The following BRCA2 variants were observed in gnomAD, a reference collection of about 807,000 sequenced individuals.
BRCA2 encodes the protein breast cancer type 2 susceptibility protein.
In BRCA2, 203 loss-of-function variants were observed where a neutral mutation model predicts 276.7. The observed-to-expected ratio is 0.73, with a 90% CI of 0.65 to 0.82. The LOEUF (loss-of-function observed/expected upper bound fraction) is 0.82, where lower values mean the gene tolerates loss of function less well. Among genes scored for constraint, BRCA2 ranks in the 40% least tolerant of loss-of-function variants. BRCA2 has a pLI of 0.00. For synonymous variants in BRCA2, 1,289 were observed against 1,338.4 expected (o/e 0.96, Z 0.81); for missense variants, 3,920 against 3,915.0 (o/e 1.00, Z -0.03).
rs1555282901 is a variant in BRCA2 at position 32,337,197 on chromosome 13, G to A, written c.2842G>A (p.Val948Ile). The change falls in exon 11 of 27, where the codon GTT (valine) becomes ATT (isoleucine). Residue 948 changes from valine to isoleucine, a missense_variant. Around this residue, in one of 2 missense-constraint regions of BRCA2, gnomAD observed 3,263 missense variants for 3,156.9 expected, o/e 1.03. Transcript: ENST00000380152. ...CCAAGTGTCAATTAAAAAAGATTTG[G>A]TTTATGTTCTTGCAGAGGAGAACAA... ...ATQVSIKKDL[V>I]YVLAEENKNS... 6.2e-7 allele frequency: 1 copy of A among 1,613,654 alleles called. No individual in the cohort carries two copies. The highest frequency in any genetic ancestry group is 8.5e-7 in the Non-Finnish European group (1 of 1,179,824).
chr13:32,382,721 A>C (rs1372732744), intron 24 of BRCA2, among the ~76,000 whole-genome samples: 2 of 152,206 alleles, frequency 1.3e-5, no homozygotes, highest in Non-Finnish European at 2.9e-5. Context: ...GATCAAGAGA[A>C]CATTTGCTTT....
chr13:32,384,131 A>T (rs1488654938), intron 24 of BRCA2, among the ~76,000 whole-genome samples: 2 of 152,230 alleles, frequency 1.3e-5, no homozygotes, highest in African/African-American at 4.8e-5. Flanking sequence ...ACAGTCTGAT[A>T]ACACGAGGTT....
Position 32,339,258 on chromosome 13 carries a change from T to TC in BRCA2, c.4903_4904insC (p.Leu1635SerfsTer4). On this transcript the variant is annotated frameshift_variant, in exon 11 of 27. Coordinates refer to ENST00000380152, the MANE Select transcript of BRCA2 (RefSeq NM_000059.4). LOFTEE classifies it high-confidence loss of function. ...TCTCAAAACATCAAAAAGTATCTTT[T>TC]TGAAAGTTAAAGTACATGAAAATGT... 1 of 1,612,866 alleles carries TC rather than the reference T, an allele frequency of 6.2e-7. No individual in the cohort carries two copies. Among genetic ancestry groups the TC allele is most frequent in the Non-Finnish European group, 8.5e-7 (1 of 1,179,622 alleles).
chr13:32,337,418 A>G lies in BRCA2; in HGVS notation c.3063A>G (p.Glu1021=), dbSNP rs2137492749. 1 of 1,613,498 alleles carries G rather than the reference A, an allele frequency of 6.2e-7. No homozygotes were observed. The highest frequency in any genetic ancestry group is 1.3e-5 in the African/African-American group (1 of 75,028). The change falls in exon 11 of 27, where the codon GAA becomes GAG. Residue 1021 remains glutamate (E), a synonymous_variant. Transcript: ENST00000380152. ...CAAATAAGGAAATCAAGCTCTCTGAACATAACATTAAGAAGAGCAAAATGT... is the reference window on the plus strand; with the variant it reads ...CAAATAAGGAAATCAAGCTCTCTGAGCATAACATTAAGAAGAGCAAAATGT... ...TASNKEIKLS[E]HNIKKSKMFF...
At position 32,379,774 on chromosome 13, in the gene BRCA2, C is replaced by G. The variant is rs397508025; in HGVS notation, c.8978C>G (p.Ser2993Ter). The stretch of plus-strand genomic sequence containing the variant: ...GTTATACTGAGTATTTGGCGTCCAT[C>G]ATCAGATTTATATTCTCTGTTAACA... ...DSVILSIWRP[S>*]SDLYSLLTEG... The change falls in exon 23 of 27, where the codon TCA (serine) becomes TGA (stop). Residue 2993 changes from serine to a stop codon, truncating the protein, a stop_gained. Transcript: ENST00000380152. LOFTEE classifies it high-confidence loss of function. The G allele has an allele frequency of 6.2e-7, 1 of 1,612,486 alleles. No individual in the cohort carries two copies. The highest frequency in any genetic ancestry group is 1.3e-5 in the African/African-American group (1 of 74,996).
rs566287780 is a variant in BRCA2 at position 32,344,161 on chromosome 13, G to A, written c.6842-397G>A. On this transcript the variant is annotated intron_variant, in intron 11 of 26. Transcript: ENST00000380152. ...ACTCCTTCAGTTAATGGCTGCCCCC[G>A]TGCTGAAAAAAAAAAAAAAAAAGAG... is the stretch of plus-strand genomic sequence containing the variant. 8.4e-4 allele frequency among the ~76,000 whole-genome samples: 80 copies of A among 95,102 alleles called. 1 individual carries two copies. The East Asian group carries it at 0.018, about 22-fold the overall frequency. The allele number at this position is 95,102 out of a possible 152,430, so 62.4% of individuals were successfully genotyped here.
chr13:32,341,624 C>T (rs566522378), intron 11 of BRCA2, among the ~76,000 whole-genome samples: 5 of 152,188 alleles, frequency 3.3e-5, no homozygotes, highest in East Asian at 1.9e-4. Context: ...AGTTGGTTTC[C>T]GGGAGGCCGA....
chr13:32,370,698 C>G (rs2072825563), intron 19 of BRCA2, 141 bp downstream of exon 19: 7 of 1,021,978 alleles, frequency 6.8e-6, no homozygotes, highest in South Asian at 4.3e-5. Context: ...GCCTCCACCT[C>G]CCGGGTTCAA....
intron 10 of BRCA2, among the ~76,000 whole-genome samples, chr13:32,336,019 C>T (rs994807594): frequency 1.3e-5 from 2 of 151,782 alleles, no homozygotes; most frequent in African/African-American, 2.4e-5. Flanking sequence ...GTAACTGGCA[C>T]CACAGGCATA....
chr13:32,368,001 CTTTTTTTTTTTTTTTTT>C (rs71071031), intron 18 of BRCA2, among the ~76,000 whole-genome samples: 7 of 50,770 alleles, frequency 1.4e-4, no homozygotes, highest in South Asian at 9.7e-4. Flanking sequence ...TCTTCTAATT[CTTTTTTTTTTTTTTTTT>C]TTTTTTTTTT....
Position 32,338,997 on chromosome 13 carries a change from G to A in BRCA2, c.4642G>A (p.Glu1548Lys), listed in dbSNP as rs1566230862. The change falls in exon 11 of 27, where the codon GAA becomes AAA. Residue 1548 changes from glutamate to lysine, a missense_variant. Transcript: ENST00000380152. ...SLDKVKNLFD[E>K]KEQGTSEITS... ...GGACAAAGTGAAAAACCTTTTTGAT[G>A]AAAAAGAGCAAGGTACTAGTGAAAT... The A allele has an allele frequency of 6.2e-7, 1 of 1,613,090 alleles. No homozygotes were observed. The highest frequency in any genetic ancestry group is 8.5e-7 in the Non-Finnish European group (1 of 1,179,722).
In BRCA2 at chr13:32,340,363, T is replaced by C. The variant is rs80358837; in HGVS notation, c.6008T>C (p.Ile2003Thr). 2 of 1,613,948 alleles carry C rather than the reference T, an allele frequency of 1.2e-6. No homozygotes were observed. Among genetic ancestry groups the C allele is most frequent in the Non-Finnish European group, 8.5e-7 (1 of 1,179,892 alleles). ...LQNARQVFSEIEDSTKQVFSK... is the reference protein window; with the variant it reads ...LQNARQVFSETEDSTKQVFSK... Reference sequence around the variant, plus strand: ...AACGCAAGACAAGTGTTTTCTGAAATAGAAGATAGTACCAAGCAAGTCTTT... The same window carrying C: ...AACGCAAGACAAGTGTTTTCTGAAACAGAAGATAGTACCAAGCAAGTCTTT... Residue 2003 changes from isoleucine to threonine, a missense_variant, in exon 11 of 27, where the codon ATA (isoleucine) becomes ACA (threonine). By Grantham distance (89) the Ile-to-Thr change is moderately conservative. Transcript: ENST00000380152.
chr13:32,387,175 C>T (rs931359731), intron 24 of BRCA2, among the ~76,000 whole-genome samples: 1 of 151,676 alleles, frequency 6.6e-6, no homozygotes, highest in Non-Finnish European at 1.5e-5. Context: ...ACCCAGGTGC[C>T]GAGGCAAGAG....
chr13:32,380,808 G>A (rs1279452530), intron 24 of BRCA2, among the ~76,000 whole-genome samples: 1 of 151,826 alleles, frequency 6.6e-6, no homozygotes, highest in Non-Finnish European at 1.5e-5. Context: ...CCAAAGTGCT[G>A]GGATTACAGG....
In BRCA2 at chr13:32,324,497, G is replaced by A. The variant is rs115317108; in HGVS notation, c.317-579G>A. ...TAAAAATGAAGAAATTAAGTAAATT[G>A]TGAAAGGCCTTCATACTATGGAGTT... On this transcript the variant is annotated intron_variant, in intron 3 of 26. Coordinates refer to ENST00000380152, the MANE Select transcript of BRCA2 (RefSeq NM_000059.4). Among the ~76,000 whole-genome samples the A allele has an allele frequency of 5.7e-3, 869 of 152,290 alleles. 7 individuals carry two copies. The highest frequency in any genetic ancestry group is 0.02 in the African/African-American group (828 of 41,552).
At chr13:32,349,109 C>A (rs2072630088) in intron 13 of BRCA2, among the ~76,000 whole-genome samples, 1 of 151,438 alleles carries the variant, frequency 6.6e-6, no homozygotes, top group Non-Finnish European at 1.5e-5. Context: ...GTAATCCCAG[C>A]TACTCCAGAG....
rs1163048408 is a variant in BRCA2, at chr13:32,371,541, G to GTAACATGTTCTATAGGACATGTAAT, written c.8632+443_8632+467dup. ...GCATTTCCTCATGATTTATATAGATGTAACATGTTCTATAGGACATGTAAT... is the reference window on the plus strand; with the variant it reads ...GCATTTCCTCATGATTTATATAGATGTAACATGTTCTATAGGACATGTAATTAACATGTTCTATAGGACATGTAAT... On this transcript the variant is annotated intron_variant, in intron 20 of 26. Coordinates refer to ENST00000380152, the MANE Select transcript of BRCA2 (RefSeq NM_000059.4). Among the ~76,000 whole-genome samples the GTAACATGTTCTATAGGACATGTAAT allele has an allele frequency of 5.9e-5, 9 of 151,772 alleles. No homozygotes were observed. The East Asian group carries it at 1.7e-3, about 29-fold the overall frequency.
rs80358934 is a variant in BRCA2 at position 32,354,908 on chromosome 13, C to T, written c.7055C>T (p.Pro2352Leu). 8 of 1,613,724 alleles carry T rather than the reference C, an allele frequency of 5.0e-6. No homozygotes were observed. The highest frequency in any genetic ancestry group is 6.8e-6 in the Non-Finnish European group (8 of 1,179,766). ...ATACAGAATCCAAATTTTACCGCAC[C>T]TGGTCAAGAATTTCTGTCTAAATCT... Reference protein sequence around the residue: ...QEIQNPNFTAPGQEFLSKSHL... With the variant: ...QEIQNPNFTALGQEFLSKSHL... Residue 2352 changes from proline to leucine, a missense_variant, in exon 14 of 27, where the codon CCT becomes CTT. Pro to Leu is a moderately conservative substitution (Grantham distance 98, BLOSUM62 -3). Around this residue, in one of 2 missense-constraint regions of BRCA2, gnomAD observed 3,263 missense variants for 3,156.9 expected, o/e 1.03. Coordinates refer to ENST00000380152, the MANE Select transcript of BRCA2 (RefSeq NM_000059.4).
rs11571597 is a variant in BRCA2 at position 32,322,539 on chromosome 13, G to A, written c.317-2537G>A. ...GGAGAATGTCCTTAAGGCACAGGTC[G>A]CTCATGATAGTTTGTGGTTTAAGAA... is the stretch of plus-strand genomic sequence containing the variant. On this transcript the variant is annotated intron_variant, in intron 3 of 26. Transcript: ENST00000380152. 0.044 allele frequency among the ~76,000 whole-genome samples: 6,719 copies of A among 152,270 alleles called. 238 individuals carry two copies. Among genetic ancestry groups the A allele is most frequent in the South Asian group, 0.11 (545 of 4,824 alleles).
Sources: gnomAD v4.1 joint callset for allele counts (sites outside exome capture counted in the v4.1 genomes callset) on GRCh38, gnomAD v4.1.1 for gene constraint, gnomAD v4.1.1 regional missense constraint, MANE v1.5 for transcripts, NCBI Gene and HGNC (gene_info 2026-07-23, HGNC 2026-07-21) for gene names.